Variants in NKAIN3 observed in about 807,000 individuals in gnomAD.
NKAIN3 encodes the protein sodium/potassium transporting ATPase interacting 3.
NKAIN3 carries 25 observed loss-of-function variants against 30.2 expected under a neutral mutation model. The ratio of observed to expected loss-of-function variants is 0.83; its 90% confidence interval spans 0.60 to 1.16. The LOEUF (loss-of-function observed/expected upper bound fraction) is 1.16. Among genes scored for constraint, NKAIN3 ranks in the 50% most tolerant of loss-of-function variants. The pLI, the probability that NKAIN3 is intolerant of heterozygous loss-of-function variation, is 0.00. For synonymous variants in NKAIN3, 91 were observed against 89.6 expected (o/e 1.02, Z -0.09); for missense variants, 225 against 254.1 (o/e 0.89, Z 0.78).
At chr8:62,660,594 G>A (rs1812915542) in intron 3 of NKAIN3, among the ~76,000 whole-genome samples, 1 of 152,098 alleles carries the variant, frequency 6.6e-6, no homozygotes, top group Admixed American at 6.5e-5. Context: ...AATGATTAAA[G>A]GTAGGACAGA....
At chr8:62,285,324 G>A (rs139388435) in intron 1 of NKAIN3, among the ~76,000 whole-genome samples, 223 of 152,290 alleles carry the variant, frequency 1.5e-3, no homozygotes, top group Middle Eastern at 0.01. Flanking sequence ...ATACATAAAT[G>A]TATACTGTGC....
chr8:62,382,801 C>G (rs923659045), intron 1 of NKAIN3, among the ~76,000 whole-genome samples: 1 of 152,096 alleles, frequency 6.6e-6, no homozygotes, highest in Non-Finnish European at 1.5e-5. Context: ...TATTTTGAAA[C>G]CCTTCACGCT....
chr8:62,445,073 G>T (rs776393747), intron 1 of NKAIN3, among the ~76,000 whole-genome samples: 11 of 151,980 alleles, frequency 7.2e-5, no homozygotes, highest in Non-Finnish European at 1.2e-4. Flanking sequence ...AGCCTCCCAA[G>T]TAGCTAGGAC....
At chr8:62,448,653 A>G (rs1805554552) in intron 1 of NKAIN3, among the ~76,000 whole-genome samples, 1 of 151,900 alleles carries the variant, frequency 6.6e-6, no homozygotes, top group African/African-American at 2.4e-5. Context: ...AACTCATTAG[A>G]AAAACTGACA....
intron 1 of NKAIN3, among the ~76,000 whole-genome samples, chr8:62,556,218 T>C (rs1210405168): frequency 6.6e-6 from 1 of 151,882 alleles, no homozygotes; most frequent in African/African-American, 2.4e-5. Context: ...ATTTGGGGAA[T>C]TATGGTGTTC....
chr8:62,522,016 G>T (rs1384675322), intron 1 of NKAIN3, among the ~76,000 whole-genome samples: 1 of 152,058 alleles, frequency 6.6e-6, no homozygotes, highest in Non-Finnish European at 1.5e-5. Flanking sequence ...CAGCTAAATT[G>T]CCTGGCTACC....
intron 3 of NKAIN3, among the ~76,000 whole-genome samples, chr8:62,712,224 G>C (rs1283963738): frequency 6.6e-6 from 1 of 152,172 alleles, no homozygotes; most frequent in Non-Finnish European, 1.5e-5. Flanking sequence ...CTCCTGCGAG[G>C]AGGTGGCACT....
chr8:62,859,635 C>T (rs1031354873), intron 4 of NKAIN3, among the ~76,000 whole-genome samples: 4 of 151,154 alleles, frequency 2.6e-5, no homozygotes, highest in Non-Finnish European at 5.9e-5. Flanking sequence ...TGTGTGTGTG[C>T]TTACATTGCT....
intron 1 of NKAIN3, among the ~76,000 whole-genome samples, chr8:62,469,101 T>G (rs553485920): frequency 2.9e-4 from 44 of 152,190 alleles, no homozygotes; most frequent in Non-Finnish European, 6.0e-4. Context: ...AATATGCTAC[T>G]GATTCCTTCT....
chr8:62,827,088 C>G (rs941271551), intron 4 of NKAIN3, among the ~76,000 whole-genome samples: 1 of 152,024 alleles, frequency 6.6e-6, no homozygotes, highest in Non-Finnish European at 1.5e-5. Flanking sequence ...AAACAATTTC[C>G]CAGCCCAAAC....
At chr8:62,701,358 A>C (rs774130788) in intron 3 of NKAIN3, among the ~76,000 whole-genome samples, 1 of 152,222 alleles carries the variant, frequency 6.6e-6, no homozygotes, top group Admixed American at 6.5e-5. Context: ...CTGTGGCCAC[A>C]TGAGCTTTAG....
intron 1 of NKAIN3, among the ~76,000 whole-genome samples, chr8:62,544,814 A>G (rs968751594): frequency 6.6e-6 from 1 of 152,194 alleles, no homozygotes; most frequent in East Asian, 1.9e-4. Flanking sequence ...TTAAGTAATT[A>G]CTAATAGCCT....
chr8:62,647,411 G>A (rs116321388), intron 3 of NKAIN3, among the ~76,000 whole-genome samples: 2,725 of 152,302 alleles, frequency 0.018, 84 homozygotes, highest in African/African-American at 0.062. Context: ...AAGGTGGACA[G>A]AGAACTTGCC....
intron 2 of NKAIN3, 98 bp from the exon 3 acceptor site, chr8:62,589,616 G>A (rs1810587493): frequency 3.6e-6 from 2 of 559,690 alleles, no homozygotes; most frequent in East Asian, 3.0e-5. Flanking sequence ...CTTCCCAGAA[G>A]ACAGACTTAT....
At chr8:62,692,802 T>C (rs545153633) in intron 3 of NKAIN3, among the ~76,000 whole-genome samples, 1 of 152,364 alleles carries the variant, frequency 6.6e-6, no homozygotes, top group African/African-American at 2.4e-5. Flanking sequence ...ACTTCATTAA[T>C]TTTCACTAAT....
intron 5 of NKAIN3, among the ~76,000 whole-genome samples, chr8:62,920,503 T>C (rs1822247224): frequency 6.6e-6 from 1 of 152,232 alleles, no homozygotes; most frequent in African/African-American, 2.4e-5. Flanking sequence ...TCTAAATGGA[T>C]ACTTCTGTTA....
intron 1 of NKAIN3, among the ~76,000 whole-genome samples, chr8:62,505,485 C>A (rs1196826186): frequency 6.6e-6 from 1 of 152,090 alleles, no homozygotes; most frequent in Non-Finnish European, 1.5e-5. Flanking sequence ...GTATAAGGTT[C>A]TCAATAATAG....
chr8:62,545,466 G>T (rs1433554074), intron 1 of NKAIN3, among the ~76,000 whole-genome samples: 1 of 152,128 alleles, frequency 6.6e-6, no homozygotes, highest in South Asian at 2.1e-4. Context: ...CTACTCAGGA[G>T]GCTGAGGTAG....
At chr8:62,889,613 C>G (rs1189888123) in intron 4 of NKAIN3, among the ~76,000 whole-genome samples, 1 of 152,034 alleles carries the variant, frequency 6.6e-6, no homozygotes, top group Non-Finnish European at 1.5e-5. Flanking sequence ...TAAAAAGTAC[C>G]TAAGGAAGTG....
Sources: allele counts gnomAD v4.1 joint callset (sites outside exome capture counted in the v4.1 genomes callset), GRCh38; gene constraint gnomAD v4.1.1; transcripts MANE v1.5; gene names NCBI Gene and HGNC (gene_info 2026-07-23, HGNC 2026-07-21).